The following CACNB4 variants were observed in gnomAD, a reference collection of about 807,000 sequenced individuals.
CACNB4 encodes the protein calcium voltage-gated channel auxiliary subunit beta 4.
Under a neutral mutation model 71.2 loss-of-function variants are expected in CACNB4, and 32 were observed. The observed-to-expected ratio is 0.45, with a 90% CI of 0.34 to 0.60. The LOEUF is 0.60. CACNB4 is among the 20% of genes least tolerant of loss of function. The pLI, the probability that CACNB4 is intolerant of heterozygous loss-of-function variation, is 0.01. For missense variants in CACNB4, 464 were observed against 647.9 expected, an observed-to-expected ratio of 0.72 and a Z score of 3.08; for synonymous variants, 231 against 236.9, an observed-to-expected ratio of 0.97 and a Z score of 0.23.
At chr2:152,015,215 C>T (rs1470467062) in intron 2 of CACNB4, among the ~76,000 whole-genome samples, 2 of 152,202 alleles carry the variant, frequency 1.3e-5, no homozygotes, top group African/African-American at 4.8e-5. Flanking sequence ...TCACCGCAAC[C>T]TCCGCCTCCA....
At chr2:151,856,032 G>A (rs746793572) in intron 10 of CACNB4, among the ~76,000 whole-genome samples, 4 of 151,004 alleles carry the variant, frequency 2.6e-5, no homozygotes, top group South Asian at 2.1e-4. Context: ...ATATTAAAAC[G>A]CTGCAATGCA....
chr2:152,091,517 C>A (rs1342100043), intron 2 of CACNB4, among the ~76,000 whole-genome samples: 1 of 152,086 alleles, frequency 6.6e-6, no homozygotes. Context: ...CACCTGTAGT[C>A]CCAGCTACTT....
At chr2:151,896,858 T>G (rs1427446203) in intron 2 of CACNB4, among the ~76,000 whole-genome samples, 1 of 152,240 alleles carries the variant, frequency 6.6e-6, no homozygotes, top group Non-Finnish European at 1.5e-5. Flanking sequence ...GAGATAGATT[T>G]CATTATCCAC....
At chr2:151,991,275 T>C (rs1292693969) in intron 2 of CACNB4, among the ~76,000 whole-genome samples, 1 of 152,256 alleles carries the variant, frequency 6.6e-6, no homozygotes, top group Non-Finnish European at 1.5e-5. Context: ...AGTTCCATTT[T>C]GGAGATCCAA....
intron 2 of CACNB4, among the ~76,000 whole-genome samples, chr2:151,918,439 T>C (rs2099858101): frequency 1.3e-5 from 2 of 152,194 alleles, no homozygotes; most frequent in Admixed American, 1.3e-4. Context: ...TTCCCTCTTT[T>C]GCTAGCTTAG....
chr2:151,863,069 T>A lies in CACNB4; in HGVS notation c.759-2249A>T, dbSNP rs1231822465. ...TAGGGTTTGTGTGGTTTTTTTTTTTTAATTTAATTTTTTTGAGTCGGAGTC... is the reference window on the plus strand; with the variant it reads ...TAGGGTTTGTGTGGTTTTTTTTTTTAAATTTAATTTTTTTGAGTCGGAGTC... On this transcript the variant is annotated intron_variant, in intron 9 of 13. Coordinates refer to ENST00000539935, the MANE Select transcript of CACNB4 (RefSeq NM_000726.5). Among the ~76,000 whole-genome samples the A allele has an allele frequency of 3.3e-5, 5 of 151,552 alleles. No homozygotes were observed. The East Asian group carries it at 9.7e-4, about 29-fold the overall frequency.
intron 2 of CACNB4, among the ~76,000 whole-genome samples, chr2:152,034,823 A>G (rs887208765): frequency 3.9e-5 from 6 of 152,152 alleles, no homozygotes; most frequent in African/African-American, 1.2e-4. Flanking sequence ...CTTAGTCTCT[A>G]ATAAGTACTG....
At chr2:152,074,318 G>A (rs115929160) in intron 2 of CACNB4, among the ~76,000 whole-genome samples, 13 of 149,994 alleles carry the variant, frequency 8.7e-5, no homozygotes, top group Middle Eastern at 3.5e-3. Flanking sequence ...CACCATCGCC[G>A]CCACCAGCAC....
At chr2:151,981,387 C>T (rs1256205526) in intron 2 of CACNB4, among the ~76,000 whole-genome samples, 1 of 152,176 alleles carries the variant, frequency 6.6e-6, no homozygotes, top group Non-Finnish European at 1.5e-5. Context: ...GCCTTAAAGT[C>T]AGTCAGTGAG....
intron 2 of CACNB4, among the ~76,000 whole-genome samples, chr2:151,992,485 C>T (rs1681764828): frequency 6.6e-6 from 1 of 152,200 alleles, no homozygotes; most frequent in Admixed American, 6.5e-5. Flanking sequence ...TAGCATGTAA[C>T]TATGGCAAGA....
intron 2 of CACNB4, among the ~76,000 whole-genome samples, chr2:152,051,122 A>C (rs551504371): frequency 6.6e-6 from 1 of 152,094 alleles, no homozygotes; most frequent in Admixed American, 6.5e-5. Flanking sequence ...ACCCTCAAAA[A>C]CCACATACAA....
chr2:152,043,597 C>T (rs1025552233), intron 2 of CACNB4, among the ~76,000 whole-genome samples: 16 of 152,168 alleles, frequency 1.1e-4, no homozygotes, highest in South Asian at 8.3e-4. Context: ...TGGGATTACA[C>T]GTGTGAGCCA....
At chr2:152,049,880 A>C (rs1350521117) in intron 2 of CACNB4, among the ~76,000 whole-genome samples, 1 of 152,372 alleles carries the variant, frequency 6.6e-6, no homozygotes, top group East Asian at 1.9e-4. Context: ...TGTTGGTTTG[A>C]CTGGTGACTG....
At chr2:152,057,898 C>G (rs1483966263) in intron 2 of CACNB4, among the ~76,000 whole-genome samples, 1 of 152,136 alleles carries the variant, frequency 6.6e-6, no homozygotes, top group Non-Finnish European at 1.5e-5. Context: ...GCTGTGTCCC[C>G]ACCCAAATCT....
At chr2:151,982,445 A>G (rs2099874897) in intron 2 of CACNB4, among the ~76,000 whole-genome samples, 1 of 152,046 alleles carries the variant, frequency 6.6e-6, no homozygotes, top group Non-Finnish European at 1.5e-5. Flanking sequence ...CATCCTGGCT[A>G]ACACAGTGAA....
intron 2 of CACNB4, among the ~76,000 whole-genome samples, chr2:152,001,226 C>T (rs1341098399): frequency 1.3e-5 from 2 of 152,102 alleles, no homozygotes; most frequent in Non-Finnish European, 2.9e-5. Flanking sequence ...TCTCAACAAA[C>T]TGGGCCTGGC....
intron 2 of CACNB4, among the ~76,000 whole-genome samples, chr2:151,965,589 A>G (rs2099870866): frequency 6.6e-6 from 1 of 152,242 alleles, no homozygotes; most frequent in Non-Finnish European, 1.5e-5. Context: ...CAAAACAATA[A>G]TTTAAAATAT....
At chr2:152,069,747 G>A (rs17326118) in intron 2 of CACNB4, among the ~76,000 whole-genome samples, 1 of 151,286 alleles carries the variant, frequency 6.6e-6, no homozygotes, top group Admixed American at 6.6e-5. Flanking sequence ...AGGCACTCCA[G>A]GTCTGCTTAA....
At chr2:151,960,568 A>G (rs2099869411) in intron 2 of CACNB4, among the ~76,000 whole-genome samples, 1 of 152,206 alleles carries the variant, frequency 6.6e-6, no homozygotes, top group South Asian at 2.1e-4. Flanking sequence ...GCCACCATGA[A>G]CATCACCAAT....
Sources: allele counts gnomAD v4.1 joint callset (sites outside exome capture counted in the v4.1 genomes callset), GRCh38; gene constraint gnomAD v4.1.1; transcripts MANE v1.5; gene names NCBI Gene and HGNC (gene_info 2026-07-23, HGNC 2026-07-21).